Variants in MCU observed in about 807,000 individuals in gnomAD.
MCU encodes calcium uniporter protein, mitochondrial.
A neutral mutation model predicts 45.2 loss-of-function variants in MCU; 12 were observed. The observed-to-expected ratio is 0.27, with a 90% CI of 0.17 to 0.43. The LOEUF is 0.43. Ranked by LOEUF, MCU falls within the 20% of genes least tolerant of loss-of-function variation. The pLI is 1.00. For missense variants in MCU, 324 were observed against 436.7 expected, an observed-to-expected ratio of 0.74 and a Z score of 2.30; for synonymous variants, 160 against 165.1, an observed-to-expected ratio of 0.97 and a Z score of 0.24.
intron 1 of MCU, chr10:72,730,921 T>C (rs1843164076): frequency 2.0e-5 from 3 of 152,208 alleles, no homozygotes; most frequent in Admixed American, 2.0e-4. Context: ...AGTTGTGAGT[T>C]CTGATCAGCT....
rs1274336008 is a variant in MCU, at chr10:72,887,169, T to A, written c.*1347T>A. Reference sequence around the variant, plus strand: ...TTGGCCTTTTCTTTCACGTGATTCATCCTTCCTCATTGTGGCAAGGAGTTT... The same window carrying A: ...TTGGCCTTTTCTTTCACGTGATTCAACCTTCCTCATTGTGGCAAGGAGTTT... On this transcript the variant is annotated 3_prime_UTR_variant, in exon 8 of 8. Transcript: ENST00000373053. 6.6e-6 allele frequency: 1 copy of A among 152,616 alleles called. No homozygotes were observed. The highest frequency in any genetic ancestry group is 1.5e-5 in the Non-Finnish European group (1 of 68,042). The allele number at this position is 152,616 out of a possible 1,614,324, so 9.5% of individuals were successfully genotyped here.
intron 2 of MCU, among the ~76,000 whole-genome samples, chr10:72,847,966 A>T (rs905993956): frequency 2.0e-5 from 3 of 152,232 alleles, no homozygotes; most frequent in African/African-American, 7.2e-5. Flanking sequence ...GAGCAAGTGT[A>T]CAAGAGACCA....
chr10:72,712,618 C>A (rs921093034), intron 1 of MCU, among the ~76,000 whole-genome samples: 3 of 151,946 alleles, frequency 2.0e-5, no homozygotes, highest in African/African-American at 7.3e-5. Flanking sequence ...TGAATTGTGT[C>A]GTGGTTTTAT....
intron 1 of MCU, among the ~76,000 whole-genome samples, chr10:72,781,553 G>A (rs984110043): frequency 2.0e-5 from 3 of 152,116 alleles, no homozygotes; most frequent in African/African-American, 7.2e-5. Flanking sequence ...CAAGCCTTTC[G>A]GAGTTTGAGT....
rs183999368 is a variant in MCU, at chr10:72,765,720, A to G, written c.151-68639A>G. On this transcript the variant is annotated intron_variant, in intron 1 of 7. Transcript: ENST00000373053. ...GAGGCAGGAGGATTGCTTAAGCCCAATATGTTGATGCTGCAGTGAGTTATG... is the reference window on the plus strand; with the variant it reads ...GAGGCAGGAGGATTGCTTAAGCCCAGTATGTTGATGCTGCAGTGAGTTATG... Among the ~76,000 whole-genome samples the G allele has an allele frequency of 1.3e-4, 17 of 130,226 alleles. No homozygotes were observed. In the East Asian group the frequency reaches 2.3e-3, roughly 18 times the overall value. The allele number at this position is 130,226 out of a possible 152,430, so 85.4% of individuals were successfully genotyped here.
Position 72,714,345 on chromosome 10 carries a change from C to CTTT in MCU, c.150+22065_150+22067dup, listed in dbSNP as rs1160353409. 2.3e-3 allele frequency among the ~76,000 whole-genome samples: 124 copies of CTTT among 54,744 alleles called. 30 individuals are homozygous for CTTT. The highest frequency in any genetic ancestry group is 4.0e-3 in the South Asian group (7 of 1,738). The allele number at this position is 54,744 out of a possible 152,430, so 35.9% of individuals were successfully genotyped here. Reference sequence around the variant, plus strand: ...TTACTTCAGTTCCCCCCGCCCTGGTCTTTTTTTTTTTTTTTTTTTTTTTAA... The same window carrying CTTT: ...TTACTTCAGTTCCCCCCGCCCTGGTCTTTTTTTTTTTTTTTTTTTTTTTTTTAA... On this transcript the variant is annotated intron_variant, in intron 1 of 7. Transcript: ENST00000373053.
chr10:72,761,124 C>T (rs374465233), intron 1 of MCU, among the ~76,000 whole-genome samples: 18 of 152,010 alleles, frequency 1.2e-4, no homozygotes, highest in African/African-American at 4.4e-4. Flanking sequence ...AACTAAGGTC[C>T]AGAGAGTTAA....
intron 1 of MCU, among the ~76,000 whole-genome samples, chr10:72,716,102 A>G (rs111272951): frequency 1.3e-5 from 2 of 152,334 alleles, no homozygotes; most frequent in East Asian, 1.9e-4. Flanking sequence ...ATACAGACAT[A>G]TCCATTTGTT....
chr10:72,867,139 T>A (rs1589504481), intron 4 of MCU, among the ~76,000 whole-genome samples: 1 of 151,412 alleles, frequency 6.6e-6, no homozygotes, highest in South Asian at 2.1e-4. Flanking sequence ...CATCTGAATT[T>A]TTTCATTGAT....
At chr10:72,695,474 C>T (rs766387790) in intron 1 of MCU, among the ~76,000 whole-genome samples, 2 of 152,206 alleles carry the variant, frequency 1.3e-5, no homozygotes, top group Non-Finnish European at 2.9e-5. Flanking sequence ...AGTCTCTGCA[C>T]TGTCCCATAC....
At chr10:72,884,647 C>CT (rs780888443) in intron 7 of MCU, among the ~76,000 whole-genome samples, 2,489 of 134,626 alleles carry the variant, frequency 0.018, 50 homozygotes, top group African/African-American at 0.054. Flanking sequence ...CCTACTTTTA[C>CT]TTTTTTTTTT....
intron 6 of MCU, among the ~76,000 whole-genome samples, chr10:72,882,632 A>T (rs946095202): frequency 6.6e-6 from 1 of 152,184 alleles, no homozygotes; most frequent in Non-Finnish European, 1.5e-5. Flanking sequence ...GTTGCTCTCA[A>T]ACCCTGTCTC....
chr10:72,849,900 C>A (rs1197922096), intron 2 of MCU, among the ~76,000 whole-genome samples: 2 of 148,636 alleles, frequency 1.3e-5, no homozygotes, highest in Non-Finnish European at 3.0e-5. Context: ...GTGACCTTAG[C>A]AGTATTATCT....
chr10:72,795,611 C>T (rs762493389), intron 1 of MCU, among the ~76,000 whole-genome samples: 1 of 152,080 alleles, frequency 6.6e-6, no homozygotes, highest in South Asian at 2.1e-4. Context: ...ACAGTTTGAT[C>T]GTGGCTCCTG....
intron 6 of MCU, among the ~76,000 whole-genome samples, chr10:72,878,426 T>C (rs1845650576): frequency 6.6e-6 from 1 of 152,104 alleles, no homozygotes; most frequent in African/African-American, 2.4e-5. Context: ...TGGCCAGTTT[T>C]GCAGATATTA....
intron 1 of MCU, among the ~76,000 whole-genome samples, chr10:72,790,791 G>A (rs1844146911): frequency 6.6e-6 from 1 of 152,060 alleles, no homozygotes. Context: ...GTTCTTTTGT[G>A]AATAACACCA....
intron 1 of MCU, among the ~76,000 whole-genome samples, chr10:72,744,164 T>C (rs540635201): frequency 6.6e-6 from 1 of 151,928 alleles, no homozygotes; most frequent in South Asian, 2.1e-4. Flanking sequence ...TTTCTCTATA[T>C]TATGGAATAA....
intron 1 of MCU, among the ~76,000 whole-genome samples, chr10:72,704,856 G>A (rs1451432038): frequency 1.3e-5 from 2 of 152,038 alleles, no homozygotes; most frequent in East Asian, 3.9e-4. Context: ...GAGTAGCTGG[G>A]ATTACATGGA....
chr10:72,734,701 C>T (rs1448570067), intron 1 of MCU, among the ~76,000 whole-genome samples: 1 of 152,034 alleles, frequency 6.6e-6, no homozygotes, highest in African/African-American at 2.4e-5. Context: ...GCAGCCTTGA[C>T]CTCCCAGGCT....
Sources: allele counts gnomAD v4.1 joint callset (sites outside exome capture counted in the v4.1 genomes callset), GRCh38; gene constraint gnomAD v4.1.1; transcripts MANE v1.5; gene names NCBI Gene and HGNC (gene_info 2026-07-23, HGNC 2026-07-21).